D2HGDH: variants seen among roughly 807,000 people sequenced by gnomAD.
D2HGDH encodes the protein D-2-hydroxyglutarate dehydrogenase, mitochondrial.
In D2HGDH, 31 loss-of-function variants were observed where a neutral mutation model predicts 46.9. That is an observed-to-expected ratio of 0.66 (90% CI 0.50 to 0.89). The LOEUF (loss-of-function observed/expected upper bound fraction) is 0.89. Among genes scored for constraint, D2HGDH ranks in the 40% least tolerant of loss-of-function variants. D2HGDH has a pLI of 0.00. For synonymous variants in D2HGDH, 364 were observed against 332.6 expected (o/e 1.09, Z -1.03); for missense variants, 698 against 720.8 (o/e 0.97, Z 0.36).
chr2:241,767,610 G>T, intron 9 of D2HGDH, 100 bp from the exon 10 acceptor site: 1 of 1,555,538 alleles, frequency 6.4e-7, no homozygotes. Context: ...GGGGGTCTCG[G>T]GGTTGCTGGG....
At chr2:241,767,659 G>T (rs1419721879) in intron 9 of D2HGDH, 51 bp from the exon 10 acceptor site, 1 of 1,609,476 alleles carries the variant, frequency 6.2e-7, no homozygotes. Flanking sequence ...GAGGAGTGGG[G>T]TCCTGGGGGC....
chr2:241,749,220 C>T (rs1696654658), intron 6 of D2HGDH: 4 of 1,039,738 alleles, frequency 3.8e-6, no homozygotes, highest in Non-Finnish European at 5.1e-6. Flanking sequence ...ACACCCCAGC[C>T]CTCTACGCGT....
Position 241,744,791 on chromosome 2 carries a change from T to G in D2HGDH, c.767T>G (p.Ile256Ser), listed in dbSNP as rs1695422368. The change falls in exon 6 of 10, where the codon ATC becomes AGC. Residue 256 changes from isoleucine (I) to serine (S), a missense_variant. Physicochemically the swap from Ile to Ser is moderately radical, Grantham distance 142 (BLOSUM62 -2). Coordinates refer to ENST00000321264, the MANE Select transcript of D2HGDH (RefSeq NM_152783.5). Reference sequence around the variant, plus strand: ...GGCTATGACCTGAAGCAGCTGTTCATCGGGTCGGAGGGCACTTTGGGGATC... The same window carrying G: ...GGCTATGACCTGAAGCAGCTGTTCAGCGGGTCGGAGGGCACTTTGGGGATC... ...NTGYDLKQLF[I>S]GSEGTLGIIT... 6.2e-7 allele frequency: 1 copy of G among 1,614,066 alleles called. No homozygotes were observed. The highest frequency in any genetic ancestry group is 8.5e-7 in the Non-Finnish European group (1 of 1,180,042).
intron 6 of D2HGDH, chr2:241,749,285 G>A (rs999690337): frequency 7.8e-7 from 1 of 1,286,158 alleles, no homozygotes. Flanking sequence ...GTGCTCCTGT[G>A]TCACCCAGTG....
rs200724208 is a variant in D2HGDH, at chr2:241,767,721, C to G, written c.1318C>G (p.Leu440Val). The change falls in exon 10 of 10, where the codon CTG (leucine) becomes GTG (valine). Residue 440 changes from leucine (L) to valine (V), a missense_variant. Coordinates refer to ENST00000321264, the MANE Select transcript of D2HGDH (RefSeq NM_152783.5). Reference protein sequence around the residue: ...VGYGHLGDGNLHLNVTAEAFS... With the variant: ...VGYGHLGDGNVHLNVTAEAFS... Reference sequence around the variant, plus strand: ...CCTTGTCCCTCCAGGAGATGGTAACCTGCACCTCAATGTGACGGCGGAGGC... The same window carrying G: ...CCTTGTCCCTCCAGGAGATGGTAACGTGCACCTCAATGTGACGGCGGAGGC... 13 of 1,612,878 alleles carry G rather than the reference C, an allele frequency of 8.1e-6. No homozygotes were observed. The East Asian group carries it at 2.9e-4, about 36-fold the overall frequency.
chr2:241,749,905 G>A, intron 6 of D2HGDH: 1 of 578,532 alleles, frequency 1.7e-6, no homozygotes, highest in East Asian at 3.2e-5. Context: ...ACCTTCTCCT[G>A]ATCTGATGCT....
At chr2:241,750,409 G>A (rs963098589) in intron 7 of D2HGDH, 115 bp downstream of exon 7, 3 of 968,342 alleles carry the variant, frequency 3.1e-6, no homozygotes, top group African/African-American at 3.5e-5. Context: ...GGGCGGGTGG[G>A]GGGTCCCTGG....
chr2:241,745,405 T>C (rs1037472263), intron 6 of D2HGDH, among the ~76,000 whole-genome samples: 2 of 152,184 alleles, frequency 1.3e-5, no homozygotes, highest in Non-Finnish European at 2.9e-5. Flanking sequence ...CTTGCTTCAT[T>C]TGAATCGGGC....
Position 241,743,578 on chromosome 2 carries a change from C to A in D2HGDH, c.491-44C>A, listed in dbSNP as rs1475881769. 3 of 1,595,292 alleles carry A rather than the reference C, an allele frequency of 1.9e-6. No homozygotes were observed. Among genetic ancestry groups the A allele is most frequent in the Non-Finnish European group, 1.7e-6 (2 of 1,171,792 alleles). On this transcript the variant is annotated intron_variant, in intron 4 of 9. Coordinates refer to ENST00000321264, the MANE Select transcript of D2HGDH (RefSeq NM_152783.5). The surrounding 1 kb of genome is among the most constrained non-coding windows in gnomAD (Gnocchi z 4.8). ...GGTTGGGACTCACCAGCCCGGGGGC[C>A]CACTGGAAGCCAAGTGCTGCGGCAG...
chr2:241,767,446 G>C (rs1344926828), intron 9 of D2HGDH, among the ~76,000 whole-genome samples: 26 of 101,216 alleles, frequency 2.6e-4, no homozygotes, highest in African/African-American at 8.1e-4. Context: ...GTAGGAAGAG[G>C]GGGGAGAAGT....
chr2:241,754,120 C>T (rs1402670215), intron 8 of D2HGDH, among the ~76,000 whole-genome samples: 3 of 152,190 alleles, frequency 2.0e-5, no homozygotes, highest in East Asian at 3.8e-4. Context: ...GTGACTGAGG[C>T]GTGAGCAGAC....
intron 2 of D2HGDH, among the ~76,000 whole-genome samples, chr2:241,737,380 T>C (rs1023777161): frequency 3.3e-5 from 5 of 152,260 alleles, no homozygotes; most frequent in Admixed American, 6.5e-5. Context: ...CAATGCCTGC[T>C]CCTCTCCTCC....
At chr2:241,737,492 C>CT (rs545906359) in intron 2 of D2HGDH, among the ~76,000 whole-genome samples, 5 of 70,064 alleles carry the variant, frequency 7.1e-5, no homozygotes, top group East Asian at 8.8e-4. Context: ...CCAGTTTTCT[C>CT]TTTTTTTATT....
At chr2:241,761,202 T>G (rs1698779827) in intron 9 of D2HGDH, among the ~76,000 whole-genome samples, 1 of 152,176 alleles carries the variant, frequency 6.6e-6, no homozygotes, top group African/African-American at 2.4e-5. Flanking sequence ...ACACAGCATT[T>G]CCGTCGTACC....
chr2:241,741,150 T>C (rs1362912667), intron 3 of D2HGDH, 60 bp downstream of exon 3: 1 of 1,513,288 alleles, frequency 6.6e-7, no homozygotes, highest in East Asian at 2.3e-5. Context: ...CATTTCCTCA[T>C]GGAGCCTGTG....
intron 8 of D2HGDH, chr2:241,755,376 C>A: frequency 2.3e-6 from 3 of 1,303,786 alleles, no homozygotes; most frequent in Non-Finnish European, 3.0e-6. Context: ...CCCTTCCCTA[C>A]CCTGCCCCAC....
rs143476553 is a variant in D2HGDH, at chr2:241,754,894, C to T, written c.1141-955C>T. 1.4e-3 allele frequency: 1,060 copies of T among 772,390 alleles called. 2 individuals are homozygous for T. Among genetic ancestry groups the T allele is most frequent in the Non-Finnish European group, 1.3e-3 (744 of 561,362 alleles). The allele number at this position is 772,390 out of a possible 1,614,324, so 47.8% of individuals were successfully genotyped here. On this transcript the variant is annotated intron_variant, in intron 8 of 9. Transcript: ENST00000321264. The stretch of plus-strand genomic sequence containing the variant: ...CTGGGAATACAGGCGTGAGCCACTG[C>T]GCCCGGCCAAGTGTTTCTCTTAGAA...
chr2:241,753,123 C>T (rs531069586), intron 8 of D2HGDH, among the ~76,000 whole-genome samples: 15 of 152,296 alleles, frequency 9.8e-5, no homozygotes, highest in Middle Eastern at 3.4e-3. Context: ...CTTCCTGGGA[C>T]GGGTTCAGGA....
At chr2:241,755,728 T>TG (rs1698085804) in intron 8 of D2HGDH, 121 bp from the exon 9 acceptor site, 1 of 1,590,106 alleles carries the variant, frequency 6.3e-7, no homozygotes, top group Admixed American at 1.7e-5. Context: ...CTGTCCGGGG[T>TG]CGGAGCCTCA....
Sources: gnomAD v4.1 joint callset for allele counts (sites outside exome capture counted in the v4.1 genomes callset) on GRCh38, gnomAD v4.1.1 for gene constraint, Gnocchi (gnomAD v3.1) non-coding constraint, MANE v1.5 for transcripts, NCBI Gene and HGNC (gene_info 2026-07-23, HGNC 2026-07-21) for gene names.